Variants in ARHGAP12 observed in about 807,000 individuals in gnomAD.
The protein encoded by ARHGAP12 is rho GTPase-activating protein 12.
In ARHGAP12, 64 loss-of-function variants were observed where a neutral mutation model predicts 108.6. The ratio of observed to expected loss-of-function variants is 0.59; its 90% CI spans 0.48 to 0.73. The LOEUF (loss-of-function observed/expected upper bound fraction) is 0.73. Among genes scored for constraint, ARHGAP12 ranks in the 30% least tolerant of loss-of-function variants. The pLI is 0.00. For missense variants in ARHGAP12, 940 were observed against 1,005.9 expected (o/e 0.93, Z 0.89); for synonymous variants, 312 against 337.2 (o/e 0.93, Z 0.82).
rs1365615356 is a variant in ARHGAP12, at chr10:31,908,761, ATCTT to A, written c.91_94del (p.Lys31LeufsTer2). ...GTACCTCTCCCCTTGTTTTATCACAATCTTTCTGTCCTTTGCTTCATATTCATAA... is the reference window on the plus strand; with the variant it reads ...GTACCTCTCCCCTTGTTTTATCACAATCTGTCCTTTGCTTCATATTCATAA... On this transcript the variant is annotated frameshift_variant, in exon 3 of 20. Coordinates refer to ENST00000344936, the MANE Select transcript of ARHGAP12 (RefSeq NM_018287.7). LOFTEE classifies it high-confidence loss of function. 6.2e-7 allele frequency: 1 copy of A among 1,613,528 alleles called. No homozygotes were observed. Among genetic ancestry groups the A allele is most frequent in the East Asian group, 2.2e-5 (1 of 44,882 alleles).
In ARHGAP12 at chr10:31,808,587, C is replaced by T. The variant is rs1834904823; in HGVS notation, c.2366+62G>A. 4.8e-6 allele frequency: 7 copies of T among 1,471,592 alleles called. No individual in the cohort carries two copies. The East Asian group carries it at 1.1e-4, about 24-fold the overall frequency. The allele number at this position is 1,471,592 out of a possible 1,614,324, so 91.2% of individuals were successfully genotyped here. A position where few individuals can be genotyped will look rare whatever the true frequency, so the allele number is the denominator to read the frequency against. On this transcript the variant is annotated intron_variant, in intron 19 of 19. Transcript: ENST00000344936. The stretch of plus-strand genomic sequence containing the variant: ...AATCTGAGTCTGAGTGACCCTGGCC[C>T]CACAGGCCTTCCCGCTTCCCCTTGT...
intron 10 of ARHGAP12, chr10:31,826,637 C>T (rs761603613): frequency 2.6e-5 from 9 of 351,562 alleles, no homozygotes; most frequent in South Asian, 2.7e-4. Flanking sequence ...GAATGAATGA[C>T]GCATGTAATT....
At chr10:31,871,716 CTATAAACTACA>C (rs1837549384) in intron 3 of ARHGAP12, among the ~76,000 whole-genome samples, 3 of 152,184 alleles carry the variant, frequency 2.0e-5, no homozygotes. Context: ...TCGTGCCATG[CTATAAACTACA>C]ACCACTGGTA....
intron 3 of ARHGAP12, among the ~76,000 whole-genome samples, chr10:31,863,213 A>G (rs1189922634): frequency 6.6e-6 from 1 of 152,220 alleles, no homozygotes; most frequent in Non-Finnish European, 1.5e-5. Context: ...TATGAAGAAA[A>G]TCTATCCATG....
At chr10:31,819,192 T>C (rs1307758659) in intron 12 of ARHGAP12, among the ~76,000 whole-genome samples, 1 of 152,094 alleles carries the variant, frequency 6.6e-6, no homozygotes, top group African/African-American at 2.4e-5. Context: ...GTGATGCTTG[T>C]CATGAGTCTT....
At chr10:31,911,440 G>A (rs570928446) in intron 1 of ARHGAP12, among the ~76,000 whole-genome samples, 3 of 152,176 alleles carry the variant, frequency 2.0e-5, no homozygotes, top group East Asian at 1.9e-4. Flanking sequence ...TCAGCCTCCC[G>A]AGTAGCGGGA....
rs1452322028 is a variant in ARHGAP12 at position 31,861,648 on chromosome 10, G to C, written c.695C>G (p.Pro232Arg). ...AGAATCTGGCCTTCCTTGATTTGGA[G>C]GTGTGGTTGCCTGTGAAATAAACAT... ...SSTEQIRATT[P>R]PNQGRPDSPV... The change falls in exon 4 of 20, where the codon CCT becomes CGT. Residue 232 changes from proline to arginine, a missense_variant. Pro to Arg is a moderately radical substitution (Grantham distance 103). Transcript: ENST00000344936. The C allele has an allele frequency of 4.4e-6, 7 of 1,596,726 alleles. No homozygotes were observed. Among genetic ancestry groups the C allele is most frequent in the Non-Finnish European group, 6.0e-6 (7 of 1,173,766 alleles).
At chr10:31,823,059 A>G (rs1835473790) in intron 11 of ARHGAP12, among the ~76,000 whole-genome samples, 1 of 152,210 alleles carries the variant, frequency 6.6e-6, no homozygotes, top group African/African-American at 2.4e-5. Flanking sequence ...AATATGATGA[A>G]TAATAACTGA....
chr10:31,906,721 G>A (rs928858547), intron 3 of ARHGAP12, among the ~76,000 whole-genome samples: 1 of 152,170 alleles, frequency 6.6e-6, no homozygotes, highest in Non-Finnish European at 1.5e-5. Flanking sequence ...GAAGTTAGGA[G>A]CCATGGAACT....
intron 14 of ARHGAP12, 57 bp from the exon 15 acceptor site, chr10:31,812,880 AG>A: frequency 1.0e-6 from 1 of 966,470 alleles, no homozygotes; most frequent in Middle Eastern, 2.5e-4. Context: ...TTTTGATACA[AG>A]TTTTTCCAGC....
rs765176830 is a variant in ARHGAP12 at position 31,908,496 on chromosome 10, C to G, written c.360G>C (p.Ser120=). 1.2e-6 allele frequency: 2 copies of G among 1,614,202 alleles called. No individual in the cohort carries two copies. The highest frequency in any genetic ancestry group is 2.2e-5 in the East Asian group (1 of 44,884). The part of the protein sequence containing the change: ...LPELSSFGKP[S]SSVQGTGLIR... Reference sequence around the variant, plus strand: ...TAAGACCTGTTCCTTGAACAGATGACGATGGCTTTCCGAAACTTGAAAGCT... The same window carrying G: ...TAAGACCTGTTCCTTGAACAGATGAGGATGGCTTTCCGAAACTTGAAAGCT... The change falls in exon 3 of 20, where the codon TCG becomes TCC. Residue 120 remains serine, a synonymous_variant. Coordinates refer to ENST00000344936, the MANE Select transcript of ARHGAP12 (RefSeq NM_018287.7).
At chr10:31,922,182 A>G (rs1306581969) in intron 1 of ARHGAP12, among the ~76,000 whole-genome samples, 3 of 18,104 alleles carry the variant, frequency 1.7e-4, no homozygotes, top group Admixed American at 5.9e-4. Flanking sequence ...CCCTGCCTCA[A>G]AAAAAAAAAA....
rs1267084075 is a variant in ARHGAP12 at position 31,839,661 on chromosome 10, G to C, written c.1347C>G (p.Pro449=). Residue 449 remains proline (P), a synonymous_variant, in exon 8 of 20, where the codon CCC becomes CCG. Coordinates refer to ENST00000344936, the MANE Select transcript of ARHGAP12 (RefSeq NM_018287.7). ...KPCFPENESS[P]SSPKHQDTAS... is the part of the protein sequence containing the mutation. The stretch of plus-strand genomic sequence containing the variant: ...CTGTATCTTGGTGCTTTGGTGAGGA[G>C]GGAGAAGACTCATTTTCAGGAAAGC... 6.2e-7 allele frequency: 1 copy of C among 1,608,304 alleles called. No individual in the cohort carries two copies. The highest frequency in any genetic ancestry group is 1.1e-5 in the South Asian group (1 of 90,442).
At chr10:31,925,248 C>A (rs2077882022) in intron 1 of ARHGAP12, among the ~76,000 whole-genome samples, 1 of 152,088 alleles carries the variant, frequency 6.6e-6, no homozygotes, top group African/African-American at 2.4e-5. Flanking sequence ...ACCATCCTGC[C>A]CAAACAAGCT....
intron 3 of ARHGAP12, among the ~76,000 whole-genome samples, chr10:31,887,963 TC>T (rs1180461804): frequency 6.6e-6 from 1 of 152,100 alleles, no homozygotes; most frequent in Non-Finnish European, 1.5e-5. Flanking sequence ...GGCCTGCCCT[TC>T]CTATTTTATA....
intron 15 of ARHGAP12, among the ~76,000 whole-genome samples, chr10:31,811,233 A>G (rs1021846882): frequency 6.6e-6 from 1 of 152,256 alleles, no homozygotes; most frequent in Non-Finnish European, 1.5e-5. Flanking sequence ...CCTGAACACC[A>G]ACAGGTATTC....
chr10:31,862,228 C>G (rs372786943), intron 3 of ARHGAP12, among the ~76,000 whole-genome samples: 60 of 152,274 alleles, frequency 3.9e-4, no homozygotes, highest in African/African-American at 1.4e-3. Flanking sequence ...GAATTTACTA[C>G]ATTCTATTCC....
At chr10:31,882,820 G>GAAAAAAAA (rs60532023) in intron 3 of ARHGAP12, among the ~76,000 whole-genome samples, 2 of 130,250 alleles carry the variant, frequency 1.5e-5, no homozygotes, top group Admixed American at 7.9e-5. Flanking sequence ...CTCTTAAAAA[G>GAAAAAAAA]AAAAAAAAAA....
intron 1 of ARHGAP12, among the ~76,000 whole-genome samples, chr10:31,925,444 C>A (rs946880662): frequency 2.6e-4 from 39 of 152,208 alleles, no homozygotes; most frequent in Non-Finnish European, 5.3e-4. Flanking sequence ...TCCCTATTAA[C>A]AACTTATGTT....
Sources: allele counts gnomAD v4.1 joint callset (sites outside exome capture counted in the v4.1 genomes callset), GRCh38; gene constraint gnomAD v4.1.1; transcripts MANE v1.5; gene names NCBI Gene and HGNC (gene_info 2026-07-23, HGNC 2026-07-21).